The following CSMD1 variants were observed in gnomAD, a reference collection of about 807,000 sequenced individuals.
CSMD1 encodes CUB and sushi domain-containing protein 1.
In CSMD1, 213 loss-of-function variants were observed where a neutral mutation model predicts 417.5. That is an observed-to-expected ratio of 0.51 (90% CI 0.46 to 0.57). The LOEUF (loss-of-function observed/expected upper bound fraction) is 0.57, where lower values mean the gene tolerates loss of function less well. CSMD1 is among the 20% of genes least tolerant of loss of function. CSMD1 has a pLI of 0.00. For missense variants in CSMD1, 6,923 were observed against 4,529.7 expected (o/e 1.53, Z -15.17); for synonymous variants, 2,862 against 1,736.8 (o/e 1.65, Z -16.11).
At position 3,083,659 on chromosome 8, in the gene CSMD1, T is replaced by TA. The variant is rs60636799; in HGVS notation, c.7474+3437_7474+3438insT. On this transcript the variant is annotated intron_variant, in intron 49 of 69. Transcript: ENST00000635120. ...ATATATATATATATATTTTTTTTTT[T>TA]TTTTTTTTTTTTTTTTTTTTTGGTC... Among the ~76,000 whole-genome samples, 107 of 70,110 alleles carry TA rather than the reference T, an allele frequency of 1.5e-3. 1 individual carries two copies. Among genetic ancestry groups the TA allele is most frequent in the South Asian group, 6.5e-3 (11 of 1,688 alleles). The allele number at this position is 70,110 out of a possible 152,430, so 46.0% of individuals were successfully genotyped here. A position where few individuals can be genotyped will look rare whatever the true frequency, so the allele number is the denominator to read the frequency against.
intron 7 of CSMD1, among the ~76,000 whole-genome samples, chr8:3,641,666 C>A (rs1236565950): frequency 6.6e-6 from 1 of 152,192 alleles, no homozygotes; most frequent in Non-Finnish European, 1.5e-5. Context: ...ATTTCAAATA[C>A]AGCTTTTGCC....
chr8:4,780,423 G>C (rs1303048212), intron 1 of CSMD1, among the ~76,000 whole-genome samples: 7 of 152,096 alleles, frequency 4.6e-5, no homozygotes, highest in East Asian at 1.9e-4. Context: ...CGATCTGTCT[G>C]TCTGTCTGTC....
chr8:3,973,921 T>A (rs1057512861), intron 5 of CSMD1, among the ~76,000 whole-genome samples: 7 of 152,210 alleles, frequency 4.6e-5, no homozygotes, highest in African/African-American at 1.7e-4. Flanking sequence ...GATACAGGAA[T>A]GCCATGTGAA....
At chr8:4,098,314 AG>A (rs1485347095) in intron 3 of CSMD1, among the ~76,000 whole-genome samples, 7 of 152,312 alleles carry the variant, frequency 4.6e-5, no homozygotes, top group African/African-American at 1.7e-4. Flanking sequence ...AACTTCATAA[AG>A]TATCACACTG....
intron 5 of CSMD1, among the ~76,000 whole-genome samples, chr8:3,916,243 G>A (rs962123935): frequency 2.0e-5 from 3 of 152,078 alleles, no homozygotes; most frequent in Non-Finnish European, 4.4e-5. Flanking sequence ...GAGGTGTAAC[G>A]AAAATATATA....
chr8:3,041,119 A>T (rs1811063204), intron 50 of CSMD1, among the ~76,000 whole-genome samples: 1 of 152,198 alleles, frequency 6.6e-6, no homozygotes, highest in Non-Finnish European at 1.5e-5. Context: ...AATATTAGAG[A>T]GCTCCTGACA....
At chr8:3,770,065 G>C (rs539795132) in intron 5 of CSMD1, among the ~76,000 whole-genome samples, 1 of 152,288 alleles carries the variant, frequency 6.6e-6, no homozygotes, top group Admixed American at 6.5e-5. Context: ...GGGAAGGCTT[G>C]CGTCTCTATT....
intron 3 of CSMD1, among the ~76,000 whole-genome samples, chr8:4,157,989 G>C (rs1714776): frequency 0.073 from 11,061 of 152,156 alleles, 582 homozygotes; most frequent in Middle Eastern, 0.12. Flanking sequence ...ACTGTTGCTA[G>C]GACCCTTTCC....
chr8:3,503,695 G>C (rs1277960462), intron 10 of CSMD1, among the ~76,000 whole-genome samples: 2 of 152,154 alleles, frequency 1.3e-5, no homozygotes, highest in Admixed American at 6.5e-5. Flanking sequence ...AAAGAAGCTG[G>C]ATGTCCCCCA....
At chr8:4,416,150 C>G (rs570702880) in intron 3 of CSMD1, among the ~76,000 whole-genome samples, 1 of 152,158 alleles carries the variant, frequency 6.6e-6, no homozygotes, top group African/African-American at 2.4e-5. Context: ...AAGTTCTATA[C>G]AAAGCAAGTA....
chr8:4,178,152 C>G (rs984622424), intron 3 of CSMD1, among the ~76,000 whole-genome samples: 10 of 152,140 alleles, frequency 6.6e-5, no homozygotes, highest in Non-Finnish European at 1.5e-4. Context: ...GACCAATATC[C>G]TTGATGCAGA....
intron 3 of CSMD1, among the ~76,000 whole-genome samples, chr8:4,089,227 G>A (rs997155162): frequency 3.3e-5 from 5 of 152,126 alleles, no homozygotes; most frequent in African/African-American, 1.2e-4. Context: ...AGCTCCATAA[G>A]GACATGGGTC....
At chr8:4,320,100 A>T (rs969971095) in intron 3 of CSMD1, among the ~76,000 whole-genome samples, 2 of 152,198 alleles carry the variant, frequency 1.3e-5, no homozygotes, top group Non-Finnish European at 2.9e-5. Flanking sequence ...TGTTCAAAAA[A>T]ATCCAACCCT....
chr8:4,693,655 T>C (rs895445680), intron 1 of CSMD1, among the ~76,000 whole-genome samples: 2 of 152,210 alleles, frequency 1.3e-5, no homozygotes, highest in African/African-American at 2.4e-5. Context: ...TTCATTTTAG[T>C]ATTCATTTTC....
At chr8:4,985,132 TTC>T (rs1420949182) in intron 1 of CSMD1, among the ~76,000 whole-genome samples, 2 of 152,172 alleles carry the variant, frequency 1.3e-5, no homozygotes, top group Non-Finnish European at 2.9e-5. Flanking sequence ...AATACCACTG[TTC>T]TCACTTATAA....
At chr8:3,319,187 A>C (rs188999186) in intron 23 of CSMD1, among the ~76,000 whole-genome samples, 6 of 152,342 alleles carry the variant, frequency 3.9e-5, no homozygotes, top group Admixed American at 3.9e-4. Flanking sequence ...GGTCAAAAAA[A>C]TGAAACTCAC....
chr8:3,746,475 G>T (rs149542406), intron 6 of CSMD1, among the ~76,000 whole-genome samples: 1 of 152,164 alleles, frequency 6.6e-6, no homozygotes. Context: ...GTAAACGTTT[G>T]TCATGCATTA....
chr8:4,085,093 G>A (rs983849081), intron 3 of CSMD1, among the ~76,000 whole-genome samples: 1 of 152,204 alleles, frequency 6.6e-6, no homozygotes, highest in East Asian at 1.9e-4. Context: ...ATAAATCAGG[G>A]AATATTGGTC....
At chr8:3,730,119 C>T (rs1039516104) in intron 6 of CSMD1, among the ~76,000 whole-genome samples, 2 of 152,024 alleles carry the variant, frequency 1.3e-5, no homozygotes, top group Admixed American at 6.6e-5. Flanking sequence ...AAGTAAACTA[C>T]TTACAAGGAG....
Sources: gnomAD v4.1 joint callset for allele counts (sites outside exome capture counted in the v4.1 genomes callset) on GRCh38, gnomAD v4.1.1 for gene constraint, MANE v1.5 for transcripts, NCBI Gene and HGNC (gene_info 2026-07-23, HGNC 2026-07-21) for gene names.